Variants in HMCN1 observed in about 807,000 individuals in gnomAD.
The protein encoded by HMCN1 is hemicentin 1.
Under a neutral mutation model 625.9 loss-of-function variants are expected in HMCN1, and 321 were observed. The observed-to-expected ratio is 0.51, with a 90% CI of 0.47 to 0.56. The LOEUF is 0.56. Among genes scored for constraint, HMCN1 ranks in the 20% least tolerant of loss-of-function variants. The pLI, the probability that HMCN1 is intolerant of heterozygous loss-of-function variation, is 0.00. For missense variants in HMCN1, 6,588 were observed against 6,887.3 expected (o/e 0.96, Z 1.54); for synonymous variants, 2,425 against 2,417.6 (o/e 1.00, Z -0.09).
intron 1 of HMCN1, among the ~76,000 whole-genome samples, chr1:185,745,231 C>T (rs984051451): frequency 6.6e-5 from 10 of 151,576 alleles, no homozygotes; most frequent in African/African-American, 2.2e-4. Flanking sequence ...TGTAGGGAAT[C>T]GGCAATGAAA....
intron 10 of HMCN1, among the ~76,000 whole-genome samples, chr1:185,930,917 C>CAT (rs1207083863): frequency 3.3e-5 from 5 of 151,008 alleles, no homozygotes; most frequent in Non-Finnish European, 7.4e-5. Context: ...TACACACACA[C>CAT]ACACACACAC....
chr1:185,887,526 C>A (rs1012094249), intron 4 of HMCN1, among the ~76,000 whole-genome samples: 1 of 150,396 alleles, frequency 6.6e-6, no homozygotes, highest in Non-Finnish European at 1.5e-5. Flanking sequence ...TATCATTGTT[C>A]AATTCCCACC....
At chr1:186,001,175 A>G in intron 26 of HMCN1, 123 bp from the exon 27 acceptor site, 1 of 833,892 alleles carries the variant, frequency 1.2e-6, no homozygotes, top group South Asian at 1.5e-5. Context: ...ATATGCTTAA[A>G]TATGTCTAGC....
At chr1:186,142,656 T>A (rs1650043917) in intron 89 of HMCN1, among the ~76,000 whole-genome samples, 1 of 152,194 alleles carries the variant, frequency 6.6e-6, no homozygotes, top group Non-Finnish European at 1.5e-5. Flanking sequence ...ATCATTCCAT[T>A]CTTATAAAAG....
At chr1:186,138,438 T>G (rs1649758953) in intron 89 of HMCN1, among the ~76,000 whole-genome samples, 1 of 152,150 alleles carries the variant, frequency 6.6e-6, no homozygotes, top group South Asian at 2.1e-4. Flanking sequence ...TAATATTGTG[T>G]ATTGTTATTG....
intron 1 of HMCN1, among the ~76,000 whole-genome samples, chr1:185,803,205 C>CAAAAAAAAAAAAAAAAAAAAAAAAAAA: frequency 3.2e-4 from 19 of 58,746 alleles, no homozygotes; most frequent in Admixed American, 7.9e-4. Context: ...AAAAAAAAAG[C>CAAAAAAAAAAAAAAAAAAAAAAAAAAA]AAAAAAAAAA....
rs145948534 is a variant in HMCN1, at chr1:185,766,842, A to G, written c.268+31795A>G. On this transcript the variant is annotated intron_variant, in intron 1 of 106. Transcript: ENST00000271588. ...CCCAGGATAAGAACCAGCAGAAACA[A>G]CCAACCACCGAAATAGAACCACACA... 1.8e-3 allele frequency among the ~76,000 whole-genome samples: 274 copies of G among 152,204 alleles called. 1 individual carries two copies. The highest frequency in any genetic ancestry group is 6.3e-3 in the African/African-American group (263 of 41,544).
rs1237029392 is a variant in HMCN1, at chr1:186,114,982, T to G, written c.11404+36T>G. The G allele has an allele frequency of 3.1e-6, 5 of 1,613,766 alleles. No individual in the cohort carries two copies. In the African/African-American group the frequency reaches 4.0e-5, roughly 13 times the overall value. On this transcript the variant is annotated intron_variant, in intron 74 of 106. Coordinates refer to ENST00000271588, the MANE Select transcript of HMCN1 (RefSeq NM_031935.3). ...GTTTATAGACAACATCCGGTCTCTG[T>G]GTCAAATGCTCTTTGATTGCCTAAA...
intron 75 of HMCN1, 29 bp downstream of exon 75, chr1:186,115,443 T>G: frequency 6.3e-7 from 1 of 1,589,866 alleles, no homozygotes; most frequent in Non-Finnish European, 8.6e-7. Flanking sequence ...TCCTACCAAC[T>G]ATTTACAAAC....
At chr1:185,809,166 T>G (rs1417577589) in intron 1 of HMCN1, among the ~76,000 whole-genome samples, 1 of 152,134 alleles carries the variant, frequency 6.6e-6, no homozygotes, top group African/African-American at 2.4e-5. Flanking sequence ...CCAAGTATTT[T>G]CCTTCACCAT....
chr1:186,115,010 A>T, intron 74 of HMCN1, 64 bp downstream of exon 74: 1 of 1,604,856 alleles, frequency 6.2e-7, no homozygotes, highest in Non-Finnish European at 8.5e-7. Context: ...TGCCTAAACT[A>T]GTGAGGTCAT....
intron 11 of HMCN1, among the ~76,000 whole-genome samples, chr1:185,949,735 T>A (rs1571603669): frequency 6.6e-6 from 1 of 151,876 alleles, no homozygotes; most frequent in African/African-American, 2.4e-5. Flanking sequence ...CCTCTACCTA[T>A]CCAGTGAAAG....
chr1:185,758,679 CTT>C (rs1448865250), intron 1 of HMCN1, among the ~76,000 whole-genome samples: 1 of 152,052 alleles, frequency 6.6e-6, no homozygotes, highest in Non-Finnish European at 1.5e-5. Context: ...AACAGAAACT[CTT>C]TGTCTTCCTC....
rs185831675 is a variant in HMCN1 at position 186,076,416 on chromosome 1, T to A, written c.8291-12T>A. 11 of 1,612,504 alleles carry A rather than the reference T, an allele frequency of 6.8e-6. No individual in the cohort carries two copies. In the Admixed American group the frequency reaches 1.8e-4, roughly 27 times the overall value. On this transcript the variant is annotated splice_polypyrimidine_tract_variant and intron_variant, in intron 53 of 106. Coordinates refer to ENST00000271588, the MANE Select transcript of HMCN1 (RefSeq NM_031935.3). ...TTATATGTGACCAACATTTAATGCC[T>A]TTCCTCCATAGTTCCTCCAAGTTTT...
intron 26 of HMCN1, 57 bp downstream of exon 26, chr1:186,000,296 TTTAAA>T: frequency 2.8e-5 from 36 of 1,265,366 alleles, no homozygotes; most frequent in Non-Finnish European, 4.0e-5. Context: ...TTCTTAAATG[TTTAAA>T]TTATTCTCTC....
At chr1:185,817,450 T>C (rs1659913887) in intron 1 of HMCN1, among the ~76,000 whole-genome samples, 1 of 151,816 alleles carries the variant, frequency 6.6e-6, no homozygotes, top group Non-Finnish European at 1.5e-5. Flanking sequence ...GGGCGGGGTG[T>C]GTGAGGGGAC....
intron 18 of HMCN1, among the ~76,000 whole-genome samples, chr1:185,983,827 T>G (rs1300358326): frequency 6.6e-6 from 1 of 152,186 alleles, no homozygotes; most frequent in Non-Finnish European, 1.5e-5. Flanking sequence ...AAAAGAACAC[T>G]TTAAGCCAAA....
At chr1:185,970,617 C>A in intron 15 of HMCN1, 124 bp downstream of exon 15, 1 of 811,010 alleles carries the variant, frequency 1.2e-6, no homozygotes, top group Non-Finnish European at 2.1e-6. Context: ...GGGTGCATTT[C>A]AGATTAATAG....
intron 4 of HMCN1, among the ~76,000 whole-genome samples, chr1:185,890,623 G>C (rs1453765691): frequency 2.4e-5 from 3 of 127,330 alleles, no homozygotes; most frequent in Non-Finnish European, 4.7e-5. Context: ...GAGCGGTTTT[G>C]AGTGAGATTC....
Sources: allele counts gnomAD v4.1 joint callset (sites outside exome capture counted in the v4.1 genomes callset), GRCh38; gene constraint gnomAD v4.1.1; transcripts MANE v1.5; gene names NCBI Gene and HGNC (gene_info 2026-07-23, HGNC 2026-07-21).